Variants in GALNT13 observed in about 807,000 individuals in gnomAD.
GALNT13 encodes the protein UDP-GalNAc:polypeptide N-acetylgalactosaminyltransferase 13.
In GALNT13, 28 loss-of-function variants were observed where a neutral mutation model predicts 64.2. The ratio of observed to expected loss-of-function variants is 0.44; its 90% confidence interval spans 0.32 to 0.60. The LOEUF is 0.60. Ranked by LOEUF, GALNT13 falls within the 20% of genes least tolerant of loss-of-function variation. The pLI, the probability that GALNT13 is intolerant of heterozygous loss-of-function variation, is 0.05. For synonymous variants in GALNT13, 214 were observed against 224.6 expected, an observed-to-expected ratio of 0.95 and a Z score of 0.42; for missense variants, 577 against 669.8, an observed-to-expected ratio of 0.86 and a Z score of 1.53.
At chr2:154,173,235 G>T (rs1363858547) in intron 4 of GALNT13, among the ~76,000 whole-genome samples, 8 of 151,836 alleles carry the variant, frequency 5.3e-5, no homozygotes, top group Admixed American at 5.3e-4. Flanking sequence ...GGAATGAACA[G>T]TCTCTTTGAT....
chr2:154,213,749 A>G (rs984304519), intron 4 of GALNT13, among the ~76,000 whole-genome samples: 21 of 152,186 alleles, frequency 1.4e-4, no homozygotes, highest in African/African-American at 4.8e-4. Context: ...ATGTTTTTAT[A>G]ACAAGATAGA....
the GALNT13 span, among the ~76,000 whole-genome samples, chr2:153,143,317 C>T: frequency 6.6e-6 from 1 of 152,080 alleles, no homozygotes; most frequent in African/African-American, 2.4e-5. Flanking sequence ...AATATACACC[C>T]TAATTTCTGT....
chr2:153,116,990 G>A, the GALNT13 span, among the ~76,000 whole-genome samples: 3 of 151,678 alleles, frequency 2.0e-5, no homozygotes, highest in Admixed American at 6.6e-5. Context: ...TAGTAGAGAT[G>A]GGGTTTCACC....
intron 3 of GALNT13, among the ~76,000 whole-genome samples, chr2:153,949,856 T>TG (rs1008341493): frequency 1.3e-5 from 2 of 151,832 alleles, no homozygotes; most frequent in African/African-American, 4.8e-5. Context: ...TGCAGATCAG[T>TG]GGGGAAAAGA....
At chr2:153,829,249 A>G in the GALNT13 span, among the ~76,000 whole-genome samples, 2 of 152,036 alleles carry the variant, frequency 1.3e-5, no homozygotes, top group Admixed American at 6.6e-5. Flanking sequence ...CTCTACTGGT[A>G]CCAATTTACT....
intron 8 of GALNT13, among the ~76,000 whole-genome samples, chr2:154,272,043 C>T (rs1691383084): frequency 6.6e-6 from 1 of 151,590 alleles, no homozygotes; most frequent in Non-Finnish European, 1.5e-5. Context: ...GAAAATTATA[C>T]AAAAATAGTA....
At chr2:153,286,223 TAGAATTAGTAACATTTATAGTACTTACC>T in the GALNT13 span, among the ~76,000 whole-genome samples, 1 of 152,156 alleles carries the variant, frequency 6.6e-6, no homozygotes, top group African/African-American at 2.4e-5. Flanking sequence ...TCATTAATGA[TAGAATTAGTAACATTTATAGTACTTACC>T]AGTAGCCAGG....
the GALNT13 span, among the ~76,000 whole-genome samples, chr2:153,333,587 G>A: frequency 6.6e-6 from 1 of 152,076 alleles, no homozygotes; most frequent in East Asian, 1.9e-4. Flanking sequence ...AAAAAAAACT[G>A]TCTTATCAAG....
the GALNT13 span, among the ~76,000 whole-genome samples, chr2:153,073,975 T>A: frequency 6.6e-6 from 1 of 152,282 alleles, no homozygotes; most frequent in African/African-American, 2.4e-5. Flanking sequence ...CCATATTTCC[T>A]TACTCCCTAT....
the GALNT13 span, chr2:153,478,521 G>A: frequency 8.7e-6 from 14 of 1,604,998 alleles, no homozygotes; most frequent in Admixed American, 1.2e-4. Context: ...TGTTGGCCAG[G>A]AACAGGCCCG....
intron 3 of GALNT13, among the ~76,000 whole-genome samples, chr2:154,110,101 G>C (rs2105485256): frequency 6.6e-6 from 1 of 151,052 alleles, no homozygotes; most frequent in East Asian, 2.0e-4. Context: ...GGCATCATCA[G>C]GTTTTCTTTG....
chr2:154,381,972 A>G (rs1299980725), intron 9 of GALNT13, among the ~76,000 whole-genome samples: 4 of 152,134 alleles, frequency 2.6e-5, no homozygotes, highest in Non-Finnish European at 5.9e-5. Flanking sequence ...TAAATTACAT[A>G]TATTTTAAGA....
intron 8 of GALNT13, among the ~76,000 whole-genome samples, chr2:154,298,761 A>C (rs1403464917): frequency 1.6e-5 from 2 of 126,270 alleles, no homozygotes; most frequent in Non-Finnish European, 3.2e-5. Flanking sequence ...TATATACTAT[A>C]TATAAATTAT....
chr2:153,428,209 A>C, the GALNT13 span, among the ~76,000 whole-genome samples: 1 of 152,134 alleles, frequency 6.6e-6, no homozygotes, highest in Non-Finnish European at 1.5e-5. Flanking sequence ...GGAATAGCTG[A>C]GGTTTATTTG....
chr2:154,099,578 G>A (rs1702242882), intron 3 of GALNT13, among the ~76,000 whole-genome samples: 1 of 151,940 alleles, frequency 6.6e-6, no homozygotes, highest in African/African-American at 2.4e-5. Flanking sequence ...AATCCATCTT[G>A]GTTAATTTTT....
the GALNT13 span, among the ~76,000 whole-genome samples, chr2:153,811,108 T>C: frequency 1.3e-5 from 2 of 152,284 alleles, no homozygotes; most frequent in South Asian, 2.1e-4. Flanking sequence ...TTAGCTATTA[T>C]TATTATCGTT....
chr2:153,573,963 G>C, the GALNT13 span, among the ~76,000 whole-genome samples: 6 of 151,832 alleles, frequency 4.0e-5, no homozygotes, highest in African/African-American at 1.5e-4. Context: ...ATTATTTATT[G>C]CTCATTAATG....
At chr2:154,124,757 G>A (rs1364854017) in intron 3 of GALNT13, among the ~76,000 whole-genome samples, 2 of 151,974 alleles carry the variant, frequency 1.3e-5, no homozygotes, top group Non-Finnish European at 2.9e-5. Flanking sequence ...AAGTTAAATC[G>A]ATTAAGAATA....
intron 11 of GALNT13, among the ~76,000 whole-genome samples, chr2:154,419,186 A>G (rs1057320878): frequency 6.6e-6 from 1 of 152,048 alleles, no homozygotes; most frequent in Admixed American, 6.6e-5. Context: ...CAAGAAAATT[A>G]TATCAGAGGA....
Sources: allele counts gnomAD v4.1 joint callset (sites outside exome capture counted in the v4.1 genomes callset), GRCh38; gene constraint gnomAD v4.1.1; transcripts MANE v1.5; gene names NCBI Gene and HGNC (gene_info 2026-07-23, HGNC 2026-07-21).